Variants in PEX14 observed in about 807,000 individuals in gnomAD.
PEX14 encodes the protein peroxisomal biogenesis factor 14.
A neutral mutation model predicts 49.5 loss-of-function variants in PEX14; 15 were observed. The observed-to-expected ratio is 0.30, with a 90% CI of 0.20 to 0.47. The LOEUF is 0.47. PEX14 is among the 20% of genes least tolerant of loss of function. The pLI, the probability that PEX14 is intolerant of heterozygous loss-of-function variation, is 1.00. For synonymous variants in PEX14, 210 were observed against 212.7 expected (o/e 0.99, Z 0.11); for missense variants, 398 against 494.8 (o/e 0.80, Z 1.86).
rs1385682788 is a variant in PEX14 at position 10,597,920 on chromosome 1, G to A, written c.170-1318G>A. Among the ~76,000 whole-genome samples the A allele has an allele frequency of 6.6e-6, 1 of 152,238 alleles. No individual in the cohort carries two copies. Among genetic ancestry groups the A allele is most frequent in the Non-Finnish European group, 1.5e-5 (1 of 68,038 alleles). ...TGCAGTCAACTCATATGCCAGTATGGTGCAGGGCGGAGCTGTGCTTTAAAG... is the reference window on the plus strand; with the variant it reads ...TGCAGTCAACTCATATGCCAGTATGATGCAGGGCGGAGCTGTGCTTTAAAG... On this transcript the variant is annotated intron_variant, in intron 3 of 8. Coordinates refer to ENST00000356607, the MANE Select transcript of PEX14 (RefSeq NM_004565.3). This position sits in a 1 kb window ranked among gnomAD's most constrained non-coding sequence, Gnocchi z 5.7.
In PEX14 at chr1:10,619,607, G is replaced by T. The variant is rs535221027; in HGVS notation, c.384+1190G>T. Among the ~76,000 whole-genome samples, 7 of 152,162 alleles carry T rather than the reference G, an allele frequency of 4.6e-5. No homozygotes were observed. In the East Asian group the frequency reaches 1.4e-3, roughly 30 times the overall value. ...CAGGATTACAGGCTTGAGCCACCGT[G>T]CCCGGCTGGTGATTTTCTTTTTTAA... On this transcript the variant is annotated intron_variant, in intron 5 of 8. Transcript: ENST00000356607.
At chr1:10,541,044 C>G (rs1638993223) in intron 3 of PEX14, among the ~76,000 whole-genome samples, 1 of 152,130 alleles carries the variant, frequency 6.6e-6, no homozygotes, top group Non-Finnish European at 1.5e-5. Flanking sequence ...CCTTTCTGTT[C>G]GTTATAGACG....
At chr1:10,598,793 G>T (rs559793906) in intron 3 of PEX14, among the ~76,000 whole-genome samples, 21 of 152,144 alleles carry the variant, frequency 1.4e-4, no homozygotes, top group Admixed American at 1.2e-3. Flanking sequence ...CTTCAGAAAC[G>T]ATCTAGACTA....
chr1:10,508,445 C>A (rs549855076), intron 2 of PEX14, among the ~76,000 whole-genome samples: 2 of 152,240 alleles, frequency 1.3e-5, no homozygotes, highest in South Asian at 4.2e-4. Flanking sequence ...CTGACCTCGG[C>A]CTCCCAAAGT....
At chr1:10,568,063 A>C (rs1411111986) in intron 3 of PEX14, among the ~76,000 whole-genome samples, 1 of 152,162 alleles carries the variant, frequency 6.6e-6, no homozygotes, top group Non-Finnish European at 1.5e-5. Context: ...TATATTGTTT[A>C]TGGTACGTTA....
At chr1:10,497,555 T>C (rs1426166547) in intron 2 of PEX14, among the ~76,000 whole-genome samples, 1 of 152,182 alleles carries the variant, frequency 6.6e-6, no homozygotes, top group Non-Finnish European at 1.5e-5. Flanking sequence ...TTTATACATA[T>C]GAAATAAGAG....
Position 10,584,552 on chromosome 1 carries a change from T to C in PEX14, c.170-14686T>C, listed in dbSNP as rs534468037. Among the ~76,000 whole-genome samples the C allele has an allele frequency of 2.0e-5, 3 of 152,332 alleles. No individual in the cohort carries two copies. In the South Asian group the frequency reaches 6.2e-4, roughly 32 times the overall value. On this transcript the variant is annotated intron_variant, in intron 3 of 8. Transcript: ENST00000356607. ...TTAGTCTCAAACAGTTCAGGGAAAG[T>C]AATCATATAGACAGATCAATAGAGA...
intron 2 of PEX14, chr1:10,528,418 C>A: frequency 3.0e-6 from 1 of 338,590 alleles, no homozygotes; most frequent in Non-Finnish European, 4.2e-6. Context: ...GAGAAAGAGA[C>A]TAGGAAATAG....
At chr1:10,610,543 G>A (rs1570347525) in intron 4 of PEX14, among the ~76,000 whole-genome samples, 3 of 151,542 alleles carry the variant, frequency 2.0e-5, no homozygotes, top group African/African-American at 4.8e-5. Flanking sequence ...GTGCAATGGC[G>A]TGATCTTGGC....
rs1641879659 is a variant in PEX14 at position 10,630,095 on chromosome 1, G to T, written c.*108G>T. ...GGGAGGGCAGCTTGGAGCCCAGGTA[G>T]GGGGCAGAGCTGTCCTCAGCTGCAC... On this transcript the variant is annotated 3_prime_UTR_variant, in exon 9 of 9. Transcript: ENST00000356607. The surrounding 1 kb of genome is among the most constrained non-coding windows in gnomAD (Gnocchi z 4.1). 1 of 1,540,472 alleles carries T rather than the reference G, an allele frequency of 6.5e-7. No homozygotes were observed.
chr1:10,497,639 G>A (rs1641593237), intron 2 of PEX14, among the ~76,000 whole-genome samples: 1 of 152,206 alleles, frequency 6.6e-6, no homozygotes, highest in Non-Finnish European at 1.5e-5. Context: ...GAGCTGCCTG[G>A]TTGGGCGTAG....
chr1:10,548,916 A>C (rs994723592), intron 3 of PEX14, among the ~76,000 whole-genome samples: 5 of 152,204 alleles, frequency 3.3e-5, no homozygotes, highest in Non-Finnish European at 7.3e-5. Flanking sequence ...CCCTCTCATC[A>C]GACAGAGGAC....
chr1:10,536,314 G>T lies in PEX14; in HGVS notation c.169+17G>T, dbSNP rs758302680. The stretch of plus-strand genomic sequence containing the variant: ...AGAAGAAAGGTACAGGTTCCACAGG[G>T]CTGTGCAGCACGGCCTACAGGGGGA... On this transcript the variant is annotated intron_variant, in intron 3 of 8. Transcript: ENST00000356607. The T allele has an allele frequency of 1.3e-6, 2 of 1,495,574 alleles. No homozygotes were observed. The highest frequency in any genetic ancestry group is 2.3e-5 in the South Asian group (2 of 88,862). The allele number at this position is 1,495,574 out of a possible 1,614,324, so 92.6% of individuals were successfully genotyped here.
At chr1:10,554,405 T>C (rs1467962183) in intron 3 of PEX14, among the ~76,000 whole-genome samples, 1 of 151,998 alleles carries the variant, frequency 6.6e-6, no homozygotes, top group Non-Finnish European at 1.5e-5. Flanking sequence ...ATCAGGACAT[T>C]AACTGACTTG....
intron 2 of PEX14, among the ~76,000 whole-genome samples, chr1:10,498,622 G>A (rs902165628): frequency 6.6e-6 from 1 of 152,130 alleles, no homozygotes; most frequent in Non-Finnish European, 1.5e-5. Flanking sequence ...ATCCTGCCTC[G>A]ATCCTGGCCT....
At chr1:10,559,614 T>TC (rs539607338) in intron 3 of PEX14, among the ~76,000 whole-genome samples, 2 of 151,732 alleles carry the variant, frequency 1.3e-5, no homozygotes, top group Non-Finnish European at 2.9e-5. Flanking sequence ...CACGGCAGCC[T>TC]CCCCCCACCA....
chr1:10,618,835 G>A (rs1641510580), intron 5 of PEX14, among the ~76,000 whole-genome samples: 1 of 152,244 alleles, frequency 6.6e-6, no homozygotes, highest in Admixed American at 6.5e-5. Flanking sequence ...TCAGGAGCTT[G>A]GTGATCACAG....
chr1:10,478,572 T>C (rs1641233188), intron 1 of PEX14, among the ~76,000 whole-genome samples: 1 of 152,166 alleles, frequency 6.6e-6, no homozygotes, highest in Admixed American at 6.5e-5. Context: ...TTCCCCACAT[T>C]GCTCTGTTTT....
chr1:10,594,908 T>A (rs1168920167), intron 3 of PEX14, among the ~76,000 whole-genome samples: 1 of 152,206 alleles, frequency 6.6e-6, no homozygotes, highest in Non-Finnish European at 1.5e-5. Flanking sequence ...AGAAAGCCAA[T>A]TTGTTTATCT....
Sources: gnomAD v4.1 joint callset for allele counts (sites outside exome capture counted in the v4.1 genomes callset) on GRCh38, gnomAD v4.1.1 for gene constraint, Gnocchi (gnomAD v3.1) non-coding constraint, MANE v1.5 for transcripts, NCBI Gene and HGNC (gene_info 2026-07-23, HGNC 2026-07-21) for gene names.